Variants in SCRG1 observed in about 807,000 individuals in gnomAD.
SCRG1 encodes stimulator of chondrogenesis 1.
Under a neutral mutation model 7.7 loss-of-function variants are expected in SCRG1, and 3 were observed. The observed-to-expected ratio is 0.39, with a 90% CI of 0.18 to 1.01. The LOEUF (loss-of-function observed/expected upper bound fraction) is 1.01. Ranked by LOEUF, SCRG1 falls within the 50% of genes least tolerant of loss-of-function variation. SCRG1 has a pLI of 0.36. For synonymous variants in SCRG1, 46 were observed against 41.2 expected (o/e 1.12, Z -0.44); for missense variants, 110 against 117.2 (o/e 0.94, Z 0.28).
the SCRG1 span, among the ~76,000 whole-genome samples, chr4:173,447,207 G>T: frequency 6.6e-6 from 1 of 152,166 alleles, no homozygotes; most frequent in African/African-American, 2.4e-5. Context: ...TTTATAGACA[G>T]CCATCTTCTT....
chr4:173,397,466 A>G (rs1469425985), intron 1 of SCRG1, among the ~76,000 whole-genome samples: 1 of 152,184 alleles, frequency 6.6e-6, no homozygotes, highest in Admixed American at 6.5e-5. Context: ...CATTTTTTTA[A>G]TTCGATTTTA....
At chr4:173,515,730 T>G in the SCRG1 span, among the ~76,000 whole-genome samples, 1 of 152,126 alleles carries the variant, frequency 6.6e-6, no homozygotes, top group Non-Finnish European at 1.5e-5. The surrounding 1 kb of genome is among the most constrained non-coding windows in gnomAD (Gnocchi z 4.6). Flanking sequence ...CCTCTGTGCC[T>G]AGGCTTCTCC....
At chr4:173,435,442 AG>A in the SCRG1 span, among the ~76,000 whole-genome samples, 8 of 152,196 alleles carry the variant, frequency 5.3e-5, no homozygotes, top group Non-Finnish European at 8.8e-5. Context: ...CGGGGCTCCG[AG>A]GGGTGCCCTG....
chr4:173,397,834 A>G (rs1224660807), intron 1 of SCRG1, among the ~76,000 whole-genome samples: 2 of 152,246 alleles, frequency 1.3e-5, no homozygotes, highest in Non-Finnish European at 1.5e-5. Flanking sequence ...GAGCAGTGGC[A>G]TGAAACAGAG....
At chr4:173,413,297 G>A in the SCRG1 span, among the ~76,000 whole-genome samples, 1 of 152,204 alleles carries the variant, frequency 6.6e-6, no homozygotes, top group Non-Finnish European at 1.5e-5. Flanking sequence ...TTACTTTCTT[G>A]TGAGGATAGG....
At chr4:173,491,833 C>T in the SCRG1 span, among the ~76,000 whole-genome samples, 1 of 152,042 alleles carries the variant, frequency 6.6e-6, no homozygotes, top group Non-Finnish European at 1.5e-5. Flanking sequence ...GATATAAGAG[C>T]GTAAACTAGA....
At chr4:173,411,013 A>C (rs932900866), upstream of SCRG1, among the ~76,000 whole-genome samples, 3 of 152,206 alleles carry the variant, frequency 2.0e-5, no homozygotes, top group African/African-American at 7.2e-5. Flanking sequence ...CAAGAAGGGC[A>C]GAGTGTGCAG....
chr4:173,456,021 T>A, the SCRG1 span, among the ~76,000 whole-genome samples: 1 of 151,328 alleles, frequency 6.6e-6, no homozygotes, highest in East Asian at 1.9e-4. Context: ...AGAGAGGGGG[T>A]CAAGGGGAAC....
chr4:173,483,254 ATG>A, the SCRG1 span, among the ~76,000 whole-genome samples: 6 of 59,892 alleles, frequency 1.0e-4, no homozygotes, highest in Non-Finnish European at 1.1e-4. Flanking sequence ...TATATCATAT[ATG>A]ATATATCATA....
the SCRG1 span, among the ~76,000 whole-genome samples, chr4:173,504,324 C>T: frequency 6.6e-6 from 1 of 152,180 alleles, no homozygotes; most frequent in Non-Finnish European, 1.5e-5. The surrounding 1 kb of genome is among the most constrained non-coding windows in gnomAD (Gnocchi z 4.7). Flanking sequence ...CCTCCGGTAG[C>T]CGTATGGGGG....
Position 173,386,211 on chromosome 4 carries a change from T to A in SCRG1, c.*2130A>T, listed in dbSNP as rs1303392800. 1 of 152,110 alleles carries A rather than the reference T, an allele frequency of 6.6e-6. No individual in the cohort carries two copies. The highest frequency in any genetic ancestry group is 6.5e-5 in the Admixed American group (1 of 15,270). The allele number at this position is 152,110 out of a possible 1,614,324, so 9.4% of individuals were successfully genotyped here. A position where few individuals can be genotyped will look rare whatever the true frequency, so the allele number is the denominator to read the frequency against. On this transcript the variant is annotated 3_prime_UTR_variant, in exon 3 of 3. Transcript: ENST00000296506. ...GTGCAGTGGCACGATCTCAGCTCACTGCAAGCTCCACCTCCTGGGTTCACG... is the reference window on the plus strand; with the variant it reads ...GTGCAGTGGCACGATCTCAGCTCACAGCAAGCTCCACCTCCTGGGTTCACG...
At chr4:173,496,333 A>G in the SCRG1 span, among the ~76,000 whole-genome samples, 3 of 152,116 alleles carry the variant, frequency 2.0e-5, no homozygotes, top group Non-Finnish European at 4.4e-5. Context: ...TGAAAAAAAA[A>G]AGAGAGGGTG....
the SCRG1 span, among the ~76,000 whole-genome samples, chr4:173,503,472 G>C: frequency 6.6e-6 from 1 of 152,144 alleles, no homozygotes; most frequent in African/African-American, 2.4e-5. This position sits in a 1 kb window ranked among gnomAD's most constrained non-coding sequence, Gnocchi z 6.4. Context: ...CAGAGTCCAG[G>C]GTCTTGGGGT....
chr4:173,444,761 G>A, the SCRG1 span, among the ~76,000 whole-genome samples: 1 of 152,046 alleles, frequency 6.6e-6, no homozygotes, highest in African/African-American at 2.4e-5. Flanking sequence ...TTTTTCTCTG[G>A]ATCTTGTTGT....
At chr4:173,417,581 A>G in the SCRG1 span, among the ~76,000 whole-genome samples, 3 of 151,712 alleles carry the variant, frequency 2.0e-5, no homozygotes, top group East Asian at 5.8e-4. Flanking sequence ...CTTCATAACT[A>G]GTCTCCCTCC....
At chr4:173,451,686 T>A in the SCRG1 span, among the ~76,000 whole-genome samples, 3 of 128,916 alleles carry the variant, frequency 2.3e-5, no homozygotes, top group Admixed American at 1.5e-4. Flanking sequence ...TTATTTATTT[T>A]GAGACAGAGT....
At chr4:173,464,921 GA>G in the SCRG1 span, among the ~76,000 whole-genome samples, 1 of 152,124 alleles carries the variant, frequency 6.6e-6, no homozygotes, top group Admixed American at 6.5e-5. Flanking sequence ...ACATAGGAAG[GA>G]AATTCTGACA....
the SCRG1 span, among the ~76,000 whole-genome samples, chr4:173,455,444 G>A: frequency 6.6e-6 from 1 of 152,108 alleles, no homozygotes; most frequent in African/African-American, 2.4e-5. Context: ...CATCGCAGTT[G>A]GTAGTCTTTT....
At chr4:173,481,012 C>G in the SCRG1 span, among the ~76,000 whole-genome samples, 1 of 152,068 alleles carries the variant, frequency 6.6e-6, no homozygotes, top group Non-Finnish European at 1.5e-5. Context: ...TGTTTCAAAA[C>G]TAATTAGTTT....
Sources: allele counts gnomAD v4.1 joint callset (sites outside exome capture counted in the v4.1 genomes callset), GRCh38; gene constraint gnomAD v4.1.1; non-coding constraint Gnocchi (gnomAD v3.1); transcripts MANE v1.5; gene names NCBI Gene and HGNC (gene_info 2026-07-23, HGNC 2026-07-21).